MDGA2: variants seen among roughly 807,000 people sequenced by gnomAD.
MDGA2 encodes MAM domain containing glycosylphosphatidylinositol anchor 2, also known as MAM domain-containing glycosylphosphatidylinositol anchor protein 2.
MDGA2 carries 40 observed loss-of-function variants against 117.8 expected under a neutral mutation model. The ratio of observed to expected loss-of-function variants is 0.34; its 90% CI spans 0.26 to 0.44. The LOEUF (loss-of-function observed/expected upper bound fraction) is 0.44, where lower values mean the gene tolerates loss of function less well. MDGA2 is among the 20% of genes least tolerant of loss of function. The probability of loss-of-function intolerance (pLI) is 1.00; values close to 1 mark genes in which losing one functional copy is unlikely to be tolerated. For missense variants in MDGA2, 1,123 were observed against 1,250.6 expected, an observed-to-expected ratio of 0.90 and a Z score of 1.54; for synonymous variants, 452 against 439.0, an observed-to-expected ratio of 1.03 and a Z score of -0.37.
chr14:47,332,929 TTAAGA>T lies in MDGA2; in HGVS notation c.281-31384_281-31380del, dbSNP rs113750423. Among the ~76,000 whole-genome samples, 106 of 152,112 alleles carry T rather than the reference TTAAGA, an allele frequency of 7.0e-4. 2 individuals are homozygous for T. Among genetic ancestry groups the T allele is most frequent in the African/African-American group, 2.0e-3 (84 of 41,556 alleles). On this transcript the variant is annotated intron_variant, in intron 1 of 16. Transcript: ENST00000399232. The stretch of plus-strand genomic sequence containing the variant: ...TGGTACTGTTTCTGAGCTGTTTCAC[TTAAGA>T]TAATAGCCTCTAGTTCCATCCATGT...
intron 10 of MDGA2, among the ~76,000 whole-genome samples, chr14:46,900,550 T>C (rs943110514): frequency 4.6e-5 from 7 of 152,162 alleles, no homozygotes; most frequent in Non-Finnish European, 1.0e-4. Context: ...ACTACTGATA[T>C]ATGCAACAAG....
intron 2 of MDGA2, among the ~76,000 whole-genome samples, chr14:47,280,343 A>G (rs866484503): frequency 2.8e-3 from 378 of 137,290 alleles, no homozygotes; most frequent in Non-Finnish European, 3.6e-3. Context: ...AAAAAAAAAA[A>G]AGAGAGATTG....
chr14:47,315,783 T>G (rs2139857203), intron 1 of MDGA2, among the ~76,000 whole-genome samples: 1 of 152,202 alleles, frequency 6.6e-6, no homozygotes, highest in African/African-American at 2.4e-5. Flanking sequence ...ATTACAATTT[T>G]ACAATATCAA....
chr14:47,155,936 CAG>C (rs1301870045), intron 3 of MDGA2, among the ~76,000 whole-genome samples: 2 of 61,896 alleles, frequency 3.2e-5, no homozygotes, highest in Non-Finnish European at 6.2e-5. Context: ...TTTTTTGAGA[CAG>C]AGTCTCTGTC....
intron 9 of MDGA2, among the ~76,000 whole-genome samples, chr14:46,950,506 C>A (rs1885334370): frequency 6.6e-6 from 1 of 151,906 alleles, no homozygotes; most frequent in African/African-American, 2.4e-5. Flanking sequence ...AGTTATTTTT[C>A]AGTACAGCTG....
chr14:47,581,849 C>A (rs2138841471), intron 1 of MDGA2, among the ~76,000 whole-genome samples: 3 of 152,002 alleles, frequency 2.0e-5, no homozygotes. Context: ...TATAACCTGG[C>A]TAATACACAC....
intron 1 of MDGA2, among the ~76,000 whole-genome samples, chr14:47,529,643 C>G (rs1895051953): frequency 6.6e-6 from 1 of 152,098 alleles, no homozygotes; most frequent in South Asian, 2.1e-4. Flanking sequence ...AAGAACTCTA[C>G]TCCAGCATTC....
At chr14:47,413,606 TA>T (rs1892416693) in intron 1 of MDGA2, among the ~76,000 whole-genome samples, 1 of 151,604 alleles carries the variant, frequency 6.6e-6, no homozygotes, top group Non-Finnish European at 1.5e-5. Context: ...AATATCTATA[TA>T]ACAAAAAGAC....
intron 10 of MDGA2, among the ~76,000 whole-genome samples, chr14:46,910,249 A>C (rs2138478168): frequency 6.6e-6 from 1 of 152,200 alleles, no homozygotes; most frequent in South Asian, 2.1e-4. Context: ...TCAATCATCA[A>C]ATCCTCCAGA....
At chr14:47,084,402 G>A (rs1341615882) in intron 6 of MDGA2, among the ~76,000 whole-genome samples, 1 of 151,352 alleles carries the variant, frequency 6.6e-6, no homozygotes, top group African/African-American at 2.4e-5. Context: ...TGCTGAGAGG[G>A]AAATTTGCAC....
At chr14:47,122,249 G>A (rs1006210844) in intron 5 of MDGA2, among the ~76,000 whole-genome samples, 2 of 152,048 alleles carry the variant, frequency 1.3e-5, no homozygotes, top group Non-Finnish European at 2.9e-5. Flanking sequence ...CTACTGTAGA[G>A]AGAACCAGAA....
At chr14:47,592,283 G>T (rs545276638) in intron 1 of MDGA2, among the ~76,000 whole-genome samples, 1 of 152,130 alleles carries the variant, frequency 6.6e-6, no homozygotes, top group African/African-American at 2.4e-5. Context: ...TCATGGATAG[G>T]AAGAATCAAT....
chr14:47,610,485 C>T (rs887194284), intron 1 of MDGA2, among the ~76,000 whole-genome samples: 22 of 151,898 alleles, frequency 1.4e-4, no homozygotes, highest in African/African-American at 5.1e-4. Context: ...GACTAACGTA[C>T]AAAAATCAGT....
At chr14:47,014,649 C>T (rs1414670916) in intron 8 of MDGA2, among the ~76,000 whole-genome samples, 2 of 152,164 alleles carry the variant, frequency 1.3e-5, no homozygotes, top group Admixed American at 1.3e-4. Flanking sequence ...AACTGTTCTT[C>T]TGCAGTTTCT....
At chr14:47,516,840 AT>A (rs377023231) in intron 1 of MDGA2, among the ~76,000 whole-genome samples, 37 of 152,306 alleles carry the variant, frequency 2.4e-4, no homozygotes, top group Middle Eastern at 3.4e-3. Context: ...TTTAAAGCCC[AT>A]TTTGGTTAAG....
downstream of MDGA2, among the ~76,000 whole-genome samples, chr14:46,839,819 T>C (rs1390982026): frequency 1.3e-5 from 2 of 151,954 alleles, no homozygotes; most frequent in Non-Finnish European, 2.9e-5. Flanking sequence ...TACCTAAATA[T>C]TCAAACTGGT....
intron 1 of MDGA2, among the ~76,000 whole-genome samples, chr14:47,505,390 G>A (rs1162996405): frequency 6.6e-6 from 1 of 152,104 alleles, no homozygotes. Flanking sequence ...ACTGCGTGAG[G>A]TCATGTATGC....
chr14:47,247,407 C>A (rs1887279628), intron 2 of MDGA2, among the ~76,000 whole-genome samples: 1 of 150,256 alleles, frequency 6.7e-6, no homozygotes. Context: ...CAGGTTCAAG[C>A]AATTCTCCTG....
chr14:46,932,809 C>CT (rs879594531), intron 9 of MDGA2, among the ~76,000 whole-genome samples: 199 of 145,868 alleles, frequency 1.4e-3, no homozygotes, highest in Middle Eastern at 3.5e-3. Flanking sequence ...AACATTATGT[C>CT]TTTTTTTTTT....
Sources: gnomAD v4.1 joint callset for allele counts (sites outside exome capture counted in the v4.1 genomes callset) on GRCh38, gnomAD v4.1.1 for gene constraint, MANE v1.5 for transcripts, NCBI Gene and HGNC (gene_info 2026-07-23, HGNC 2026-07-21) for gene names.